ARHGAP6: variants seen among roughly 807,000 people sequenced by gnomAD.
The protein encoded by ARHGAP6 is rho GTPase-activating protein 6.
A neutral mutation model predicts 55.7 loss-of-function variants in ARHGAP6; 16 were observed. That is an observed-to-expected ratio of 0.29 (90% CI 0.19 to 0.44). The LOEUF is 0.44. Among genes scored for constraint, ARHGAP6 ranks in the 20% least tolerant of loss-of-function variants. The probability of loss-of-function intolerance (pLI) is 1.00; values close to 1 mark genes in which losing one functional copy is unlikely to be tolerated. For synonymous variants in ARHGAP6, 382 were observed against 360.9 expected, an observed-to-expected ratio of 1.06 and a Z score of -0.66; for missense variants, 698 against 808.9, an observed-to-expected ratio of 0.86 and a Z score of 1.66.
intron 1 of ARHGAP6, among the ~76,000 whole-genome samples, chrX:11,582,046 G>A (rs928582871): frequency 3.6e-5 from 4 of 111,713 alleles, no homozygotes; most frequent in Admixed American, 9.5e-5. Context: ...TGAGCACTTC[G>A]TATGTGCAGG....
chrX:11,496,648 G>T (rs1021611829), intron 1 of ARHGAP6, among the ~76,000 whole-genome samples: 1 of 111,902 alleles, frequency 8.9e-6, no homozygotes, highest in Non-Finnish European at 1.9e-5. Context: ...TTCTACATTT[G>T]TGTTATTGAA....
At chrX:11,173,759 T>A (rs1424502688) in intron 8 of ARHGAP6, among the ~76,000 whole-genome samples, 1 of 112,111 alleles carries the variant, frequency 8.9e-6, no homozygotes, top group Admixed American at 9.4e-5. Context: ...TGCATTGAAT[T>A]TTAAGCACAT....
chrX:11,339,800 T>C (rs1326428328), intron 1 of ARHGAP6, among the ~76,000 whole-genome samples: 3 of 110,983 alleles, frequency 2.7e-5, no homozygotes, highest in Non-Finnish European at 5.7e-5. Flanking sequence ...TTTCAGCCTG[T>C]CCAAAGCCCC....
intron 10 of ARHGAP6, 81 bp downstream of exon 10, chrX:11,156,448 A>G: frequency 2.1e-6 from 2 of 943,314 alleles, no homozygotes; most frequent in Non-Finnish European, 3.0e-6. Context: ...GCATGTACTT[A>G]TGTAAACCTT....
intron 1 of ARHGAP6, among the ~76,000 whole-genome samples, chrX:11,630,230 C>T (rs955831737): frequency 2.7e-5 from 3 of 111,690 alleles, no homozygotes; most frequent in Admixed American, 9.5e-5. Context: ...TTATGTAAAG[C>T]GTTACATTCA....
chrX:11,623,317 G>T (rs2052252045), intron 1 of ARHGAP6, among the ~76,000 whole-genome samples: 1 of 111,065 alleles, frequency 9.0e-6, no homozygotes, highest in Admixed American at 9.6e-5. Context: ...AAGAAATCAA[G>T]AAAGCTATTT....
chrX:11,360,555 A>G (rs376708265), intron 1 of ARHGAP6, among the ~76,000 whole-genome samples: 243 of 108,147 alleles, frequency 2.2e-3, no homozygotes, highest in East Asian at 8.3e-3. Flanking sequence ...ATATCATACT[A>G]AATGGGCAAA....
chrX:11,441,611 A>G (rs993777806), intron 1 of ARHGAP6, among the ~76,000 whole-genome samples: 5 of 111,822 alleles, frequency 4.5e-5, no homozygotes, highest in African/African-American at 1.3e-4. Context: ...TTATTTCCCT[A>G]AGGAGCCCCT....
intron 1 of ARHGAP6, among the ~76,000 whole-genome samples, chrX:11,418,656 A>T (rs1426208424): frequency 8.9e-6 from 1 of 111,921 alleles, no homozygotes; most frequent in Non-Finnish European, 1.9e-5. Context: ...TAATGACAAA[A>T]TATACGTAGA....
At chrX:11,429,916 A>G (rs1349939627) in intron 1 of ARHGAP6, among the ~76,000 whole-genome samples, 3 of 112,176 alleles carry the variant, frequency 2.7e-5, no homozygotes, top group Non-Finnish European at 5.6e-5. Flanking sequence ...ACGTGTGTAC[A>G]GATGTAATTC....
intron 1 of ARHGAP6, among the ~76,000 whole-genome samples, chrX:11,528,081 T>C (rs748321786): frequency 2.7e-5 from 3 of 112,357 alleles, no homozygotes; most frequent in Middle Eastern, 4.2e-3. Context: ...ATAAATTCCA[T>C]TAAAATTTTC....
At chrX:11,319,172 C>A (rs187305883) in intron 1 of ARHGAP6, among the ~76,000 whole-genome samples, 15 of 109,426 alleles carry the variant, frequency 1.4e-4, no homozygotes, top group Non-Finnish European at 1.9e-4. Context: ...ATCTATATAT[C>A]TCTCTCTCAA....
At chrX:11,298,784 CCAGCCCCAGCCTGTT>C (rs777018247) in intron 1 of ARHGAP6, 1 of 1,208,645 alleles carries the variant, frequency 8.3e-7, no homozygotes, top group Non-Finnish European at 1.1e-6. Flanking sequence ...AGCAGCCCTA[CCAGCCCCAGCCTGTT>C]CAGCCACAGC....
At chrX:11,496,574 G>GA (rs374354098) in intron 1 of ARHGAP6, among the ~76,000 whole-genome samples, 2,811 of 109,506 alleles carry the variant, frequency 0.026, 41 homozygotes, top group Middle Eastern at 0.074. Flanking sequence ...TTTTGAACTA[G>GA]AAAAAAAAAG....
intron 2 of ARHGAP6, chrX:11,225,863 G>A: frequency 4.6e-6 from 1 of 219,279 alleles, no homozygotes; most frequent in Admixed American, 6.4e-5. Context: ...CTTTTTTTTT[G>A]ATCAGTTTGA....
chrX:11,456,334 T>G (rs1395466965), intron 1 of ARHGAP6, among the ~76,000 whole-genome samples: 1 of 111,470 alleles, frequency 9.0e-6, no homozygotes, highest in Non-Finnish European at 1.9e-5. Flanking sequence ...CCAAACTAAT[T>G]ATTTTCCTTT....
chrX:11,204,245 C>T (rs916045678), intron 2 of ARHGAP6, among the ~76,000 whole-genome samples: 1 of 112,127 alleles, frequency 8.9e-6, no homozygotes, highest in African/African-American at 3.2e-5. Context: ...TCAACCTGTT[C>T]TGTGGCTTCT....
intron 1 of ARHGAP6, among the ~76,000 whole-genome samples, chrX:11,555,641 G>A (rs1333073012): frequency 3.6e-5 from 4 of 110,806 alleles, no homozygotes; most frequent in Non-Finnish European, 5.7e-5. Flanking sequence ...CAGCTACTGG[G>A]GAGGCTGAGG....
In ARHGAP6 at chrX:11,454,635, T is replaced by C. The variant is rs1021143745; in HGVS notation, c.589-199928A>G. On this transcript the variant is annotated intron_variant, in intron 1 of 12. Coordinates refer to ENST00000337414, the MANE Select transcript of ARHGAP6 (RefSeq NM_013427.3). The stretch of plus-strand genomic sequence containing the variant: ...AGGTGATTAGGTTTATATCATTTCA[T>C]TTACTGATTGGACAGCCAGTCTAGC... Among the ~76,000 whole-genome samples the C allele has an allele frequency of 5.4e-5, 6 of 112,119 alleles. No individual in the cohort carries two copies. The East Asian group carries it at 1.7e-3, about 31-fold the overall frequency.
Sources: gnomAD v4.1 joint callset for allele counts (sites outside exome capture counted in the v4.1 genomes callset) on GRCh38, gnomAD v4.1.1 for gene constraint, MANE v1.5 for transcripts, NCBI Gene and HGNC (gene_info 2026-07-23, HGNC 2026-07-21) for gene names.